Variants in UNC5C observed in about 807,000 individuals in gnomAD.
The protein encoded by UNC5C is netrin receptor UNC5C.
UNC5C carries 47 observed loss-of-function variants against 99.8 expected under a neutral mutation model. The observed-to-expected ratio is 0.47, with a 90% CI of 0.37 to 0.60. UNC5C has a LOEUF of 0.60. Among genes scored for constraint, UNC5C ranks in the 20% least tolerant of loss-of-function variants. The pLI is 0.00. For synonymous variants in UNC5C, 487 were observed against 452.2 expected (o/e 1.08, Z -0.98); for missense variants, 1,062 against 1,165.9 (o/e 0.91, Z 1.30).
chr4:95,265,271 C>G (rs1278143531), intron 4 of UNC5C, among the ~76,000 whole-genome samples: 4 of 151,622 alleles, frequency 2.6e-5, no homozygotes, highest in African/African-American at 9.7e-5. Flanking sequence ...ATAATTCCAT[C>G]TGGATGCTCA....
intron 1 of UNC5C, among the ~76,000 whole-genome samples, chr4:95,512,762 A>C (rs1346330288): frequency 6.6e-6 from 1 of 152,152 alleles, no homozygotes; most frequent in African/African-American, 2.4e-5. Flanking sequence ...GTTTATGGAG[A>C]CAAGTTTATA....
intron 3 of UNC5C, among the ~76,000 whole-genome samples, chr4:95,292,367 T>C (rs181506170): frequency 0.01 from 1,572 of 151,592 alleles, 30 homozygotes; most frequent in African/African-American, 0.036. Flanking sequence ...CCTCCCAGGT[T>C]CACGCCATTC....
intron 2 of UNC5C, 128 bp downstream of exon 2, chr4:95,335,282 A>G (rs548809868): frequency 2.2e-6 from 2 of 899,628 alleles, no homozygotes; most frequent in African/African-American, 3.3e-5. Context: ...AACCAAACCA[A>G]TTCAAAACTT....
chr4:95,506,738 A>C (rs573095971), intron 1 of UNC5C, among the ~76,000 whole-genome samples: 1 of 151,914 alleles, frequency 6.6e-6, no homozygotes, highest in South Asian at 2.1e-4. Context: ...GAAAACTAAT[A>C]AATACTTTCA....
At position 95,432,579 on chromosome 4, in the gene UNC5C, T is replaced by G. The variant is rs143645748; in HGVS notation, c.125-96948A>C. On this transcript the variant is annotated intron_variant, in intron 1 of 15. Transcript: ENST00000453304. ...CTGTTATAATCCCTCACCCCCTACCTTCCTGGAAAAGCAGAATTCACAGTG... is the reference window on the plus strand; with the variant it reads ...CTGTTATAATCCCTCACCCCCTACCGTCCTGGAAAAGCAGAATTCACAGTG... 7.2e-4 allele frequency among the ~76,000 whole-genome samples: 110 copies of G among 152,100 alleles called. 1 individual carries two copies. In the East Asian group the frequency reaches 0.018, roughly 25 times the overall value.
chr4:95,240,888 C>T (rs1426915244), intron 7 of UNC5C, among the ~76,000 whole-genome samples: 6 of 152,058 alleles, frequency 3.9e-5, no homozygotes, highest in African/African-American at 1.4e-4. Context: ...GGTTCTGTCT[C>T]GTGGCATTGT....
chr4:95,307,312 C>G (rs1225743723), intron 2 of UNC5C, among the ~76,000 whole-genome samples: 1 of 151,968 alleles, frequency 6.6e-6, no homozygotes, highest in Non-Finnish European at 1.5e-5. Flanking sequence ...TTATTCTATG[C>G]AAGTGGGAAT....
At chr4:95,479,412 A>G (rs1578185780) in intron 1 of UNC5C, among the ~76,000 whole-genome samples, 1 of 151,972 alleles carries the variant, frequency 6.6e-6, no homozygotes, top group African/African-American at 2.4e-5. Context: ...AGCAAGAGAT[A>G]TGTTTCCTTA....
In UNC5C at chr4:95,170,448, ATTC is replaced by A. The variant is rs138964682; in HGVS notation, c.2452-119_2452-117del. 9.2e-3 allele frequency: 11,534 copies of A among 1,258,870 alleles called. 790 individuals are homozygous for A. The African/African-American group carries it at 0.15, about 16-fold the overall frequency. The allele number at this position is 1,258,870 out of a possible 1,614,324, so 78.0% of individuals were successfully genotyped here. On this transcript the variant is annotated intron_variant, in intron 14 of 15. Transcript: ENST00000453304. ...TGATAAGAAAAGAATGAATGCTGTT[ATTC>A]TTCTTAGGAAGAATGGCTTCTTCTT...
chr4:95,436,331 T>C (rs1244556181), intron 1 of UNC5C, among the ~76,000 whole-genome samples: 2 of 151,968 alleles, frequency 1.3e-5, no homozygotes, highest in Non-Finnish European at 2.9e-5. Context: ...GCAAGAATTA[T>C]TTTCTTGGAG....
chr4:95,455,316 C>A (rs1747397432), intron 1 of UNC5C, among the ~76,000 whole-genome samples: 1 of 151,998 alleles, frequency 6.6e-6, no homozygotes, highest in African/African-American at 2.4e-5. Context: ...TTGTTCCCTC[C>A]CCATTAACAA....
intron 3 of UNC5C, among the ~76,000 whole-genome samples, chr4:95,281,123 G>T (rs889843785): frequency 1.3e-5 from 2 of 152,164 alleles, no homozygotes; most frequent in Admixed American, 1.3e-4. Context: ...CTGATGTGGG[G>T]TTGGGCAAAG....
chr4:95,212,657 A>G (rs1313352869), intron 10 of UNC5C, among the ~76,000 whole-genome samples: 2 of 151,772 alleles, frequency 1.3e-5, no homozygotes, highest in Admixed American at 6.6e-5. Flanking sequence ...CTTCACTTCC[A>G]CGTCCCTAGC....
chr4:95,495,984 T>C (rs533547095), intron 1 of UNC5C, among the ~76,000 whole-genome samples: 1 of 151,930 alleles, frequency 6.6e-6, no homozygotes, highest in East Asian at 1.9e-4. Context: ...TATAGCACTT[T>C]GCAATTTTAA....
chr4:95,475,382 G>C (rs1046061642), intron 1 of UNC5C, among the ~76,000 whole-genome samples: 1 of 151,894 alleles, frequency 6.6e-6, no homozygotes, highest in Non-Finnish European at 1.5e-5. Flanking sequence ...AATTTACAAA[G>C]GGAGGGTAAT....
intron 10 of UNC5C, among the ~76,000 whole-genome samples, chr4:95,209,840 AG>A (rs1738016549): frequency 6.6e-6 from 1 of 152,054 alleles, no homozygotes; most frequent in South Asian, 2.1e-4. Flanking sequence ...CCTCTCCTGG[AG>A]GGGGAAAAAA....
chr4:95,362,918 G>T (rs142789140), intron 1 of UNC5C, among the ~76,000 whole-genome samples: 5 of 151,970 alleles, frequency 3.3e-5, no homozygotes, highest in African/African-American at 1.2e-4. Flanking sequence ...ATAATAATAG[G>T]ATACCATGGA....
At chr4:95,176,992 G>A (rs1460212148) in intron 14 of UNC5C, among the ~76,000 whole-genome samples, 1 of 152,108 alleles carries the variant, frequency 6.6e-6, no homozygotes, top group African/African-American at 2.4e-5. Context: ...TTGGGGGGGA[G>A]TGACCCGATT....
intron 14 of UNC5C, among the ~76,000 whole-genome samples, chr4:95,172,809 G>A (rs1309228334): frequency 2.0e-5 from 3 of 152,184 alleles, no homozygotes; most frequent in East Asian, 3.9e-4. Context: ...GGATGGCATT[G>A]AATCTATAGA....
Sources: allele counts gnomAD v4.1 joint callset (sites outside exome capture counted in the v4.1 genomes callset), GRCh38; gene constraint gnomAD v4.1.1; transcripts MANE v1.5; gene names NCBI Gene and HGNC (gene_info 2026-07-23, HGNC 2026-07-21).